Variants in LRRC37A2 observed in about 807,000 individuals in gnomAD.
LRRC37A2 encodes leucine rich repeat containing 37 member A2.
Under a neutral mutation model 68.8 loss-of-function variants are expected in LRRC37A2, and 9 were observed. The observed-to-expected ratio is 0.13, with a 90% CI of 0.08 to 0.23. The LOEUF (loss-of-function observed/expected upper bound fraction) is 0.23, where lower values mean the gene tolerates loss of function less well. Ranked by LOEUF, LRRC37A2 falls within the 10% of genes least tolerant of loss-of-function variation. LRRC37A2 has a pLI of 1.00. For synonymous variants in LRRC37A2, 63 were observed against 367.6 expected (o/e 0.17, Z 9.48); for missense variants, 168 against 950.4 (o/e 0.18, Z 10.82).
chr17:46,819,508 A>C, the LRRC37A2 span, among the ~76,000 whole-genome samples: 2 of 151,770 alleles, frequency 1.3e-5, no homozygotes, highest in East Asian at 3.9e-4. The surrounding 1 kb of genome is among the most constrained non-coding windows in gnomAD (Gnocchi z 5.3). Context: ...CCCGGGTCGG[A>C]GGCGTGACCC....
At chr17:46,458,619 A>G in the LRRC37A2 span, among the ~76,000 whole-genome samples, 1 of 69,614 alleles carries the variant, frequency 1.4e-5, no homozygotes, top group Non-Finnish European at 3.0e-5. Context: ...TCGGCTCACC[A>G]CAACCTCCGC....
chr17:46,770,156 G>C, the LRRC37A2 span: 1 of 1,403,160 alleles, frequency 7.1e-7, no homozygotes, highest in Non-Finnish European at 9.4e-7. Flanking sequence ...AGGAAGAGTT[G>C]AAGAGCTCAC....
At chr17:47,036,532 G>A in the LRRC37A2 span, among the ~76,000 whole-genome samples, 1 of 151,948 alleles carries the variant, frequency 6.6e-6, no homozygotes. Flanking sequence ...GAGATGTAGG[G>A]GGTCCACCTT....
the LRRC37A2 span, among the ~76,000 whole-genome samples, chr17:46,919,863 C>T: frequency 1.3e-5 from 2 of 152,090 alleles, no homozygotes; most frequent in Non-Finnish European, 2.9e-5. Context: ...AGGAGAATTG[C>T]TTGAACCCAG....
chr17:46,799,157 C>T, the LRRC37A2 span, among the ~76,000 whole-genome samples: 1 of 151,922 alleles, frequency 6.6e-6, no homozygotes, highest in African/African-American at 2.4e-5. Context: ...GATACCAGAA[C>T]GCAAGGTCAT....
chr17:46,762,464 G>A, the LRRC37A2 span: 1 of 151,684 alleles, frequency 6.6e-6, no homozygotes, highest in Non-Finnish European at 1.5e-5. Flanking sequence ...TTGACCTCCT[G>A]AGCATTAATC....
chr17:46,899,605 G>A, the LRRC37A2 span, among the ~76,000 whole-genome samples: 1,011 of 152,268 alleles, frequency 6.6e-3, 8 homozygotes, highest in Non-Finnish European at 8.7e-3. Flanking sequence ...GGTTGCCTAG[G>A]ACTAAGGGGA....
chr17:46,916,225 C>T, the LRRC37A2 span, among the ~76,000 whole-genome samples: 2 of 152,218 alleles, frequency 1.3e-5, no homozygotes, highest in African/African-American at 2.4e-5. Context: ...AATCAATGTC[C>T]TCTCTTGCCT....
the LRRC37A2 span, among the ~76,000 whole-genome samples, chr17:46,781,970 G>A: frequency 6.6e-6 from 1 of 152,206 alleles, no homozygotes; most frequent in Non-Finnish European, 1.5e-5. Flanking sequence ...TAACCTGGGG[G>A]TGATGAATGC....
At chr17:46,384,835 T>C in the LRRC37A2 span, among the ~76,000 whole-genome samples, 145 of 15,138 alleles carry the variant, frequency 9.6e-3, 1 homozygote, top group Middle Eastern at 0.045. Context: ...GGTCTTTTGC[T>C]AAATTCAGAA....
chr17:46,975,920 AGTTGTTGTT>A, the LRRC37A2 span, among the ~76,000 whole-genome samples: 3 of 151,682 alleles, frequency 2.0e-5, no homozygotes, highest in African/African-American at 7.3e-5. Flanking sequence ...AAATGATAAA[AGTTGTTGTT>A]GTTGTTGTTG....
the LRRC37A2 span, among the ~76,000 whole-genome samples, chr17:46,998,475 C>T: frequency 6.6e-6 from 1 of 152,238 alleles, no homozygotes; most frequent in Non-Finnish European, 1.5e-5. Context: ...ATCAACACCA[C>T]CATGCGTCCA....
chr17:46,779,105 C>CACACA, the LRRC37A2 span, among the ~76,000 whole-genome samples: 1 of 35,396 alleles, frequency 2.8e-5, no homozygotes, highest in Non-Finnish European at 6.7e-5. Context: ...ACACACACAC[C>CACACA]CCAGCCCACT....
chr17:47,014,030 T>A, the LRRC37A2 span, among the ~76,000 whole-genome samples: 1 of 150,840 alleles, frequency 6.6e-6, no homozygotes, highest in Non-Finnish European at 1.5e-5. Flanking sequence ...GAGGCGGAGG[T>A]TGCAGTGAGC....
the LRRC37A2 span, among the ~76,000 whole-genome samples, chr17:47,047,972 G>A: frequency 6.6e-6 from 1 of 150,736 alleles, no homozygotes; most frequent in Non-Finnish European, 1.5e-5. Context: ...TTGAATACAG[G>A]TATCTACCAG....
the LRRC37A2 span, among the ~76,000 whole-genome samples, chr17:46,823,719 T>C: frequency 1.3e-5 from 2 of 151,872 alleles, no homozygotes; most frequent in Non-Finnish European, 2.9e-5. Flanking sequence ...GGATTACAGG[T>C]GCAAGCCACC....
chr17:46,931,346 C>T, the LRRC37A2 span: 3 of 684,170 alleles, frequency 4.4e-6, no homozygotes, highest in East Asian at 8.1e-5. Flanking sequence ...AAAGCCCCCT[C>T]AAAGGGCACA....
chr17:46,763,754 C>T, the LRRC37A2 span: 13 of 146,176 alleles, frequency 8.9e-5, no homozygotes, highest in African/African-American at 3.3e-4. Flanking sequence ...GAAGATACCG[C>T]TTATTTATTT....
chr17:46,852,677 C>T, the LRRC37A2 span, among the ~76,000 whole-genome samples: 1 of 152,178 alleles, frequency 6.6e-6, no homozygotes, highest in South Asian at 2.1e-4. Flanking sequence ...AAAGCCAACT[C>T]CAATATGTAC....
Sources: gnomAD v4.1 joint callset for allele counts (sites outside exome capture counted in the v4.1 genomes callset) on GRCh38, gnomAD v4.1.1 for gene constraint, Gnocchi (gnomAD v3.1) non-coding constraint, MANE v1.5 for transcripts, NCBI Gene and HGNC (gene_info 2026-07-23, HGNC 2026-07-21) for gene names.